Variants in NPAS3 observed in about 807,000 individuals in gnomAD.
NPAS3 encodes neuronal PAS domain-containing protein 3.
In NPAS3, 14 loss-of-function variants were observed where a neutral mutation model predicts 73.1. The ratio of observed to expected loss-of-function variants is 0.19; its 90% CI spans 0.13 to 0.30. The LOEUF (loss-of-function observed/expected upper bound fraction) is 0.30. NPAS3 is among the 10% of genes least tolerant of loss of function. NPAS3 has a pLI of 1.00. For missense variants in NPAS3, 1,096 were observed against 1,250.0 expected, an observed-to-expected ratio of 0.88 and a Z score of 1.86; for synonymous variants, 620 against 541.5, an observed-to-expected ratio of 1.14 and a Z score of -2.01.
intron 4 of NPAS3, among the ~76,000 whole-genome samples, chr14:33,410,640 T>C (rs752151207): frequency 6.6e-6 from 1 of 152,208 alleles, no homozygotes; most frequent in Non-Finnish European, 1.5e-5. Context: ...GGCTCAAGAA[T>C]AGTTGGTACT....
At chr14:33,306,251 C>T (rs562804608) in intron 3 of NPAS3, among the ~76,000 whole-genome samples, 1 of 152,122 alleles carries the variant, frequency 6.6e-6, no homozygotes, top group African/African-American at 2.4e-5. Context: ...AGTAAGAAAT[C>T]TTCAGACACT....
intron 11 of NPAS3, 41 bp from the exon 12 acceptor site, chr14:33,799,693 T>TCTCTCCGC (rs1451063078): frequency 9.1e-6 from 14 of 1,543,026 alleles, no homozygotes; most frequent in South Asian, 1.2e-5. Context: ...CTCTCTCTTC[T>TCTCTCCGC]CTCTCCGCCC....
intron 5 of NPAS3, among the ~76,000 whole-genome samples, chr14:33,672,451 A>C (rs1410574897): frequency 6.6e-6 from 1 of 152,216 alleles, no homozygotes; most frequent in Non-Finnish European, 1.5e-5. Context: ...TACTAAACAT[A>C]ATAGACTAGT....
chr14:33,297,298 A>G (rs1022890137), intron 3 of NPAS3, among the ~76,000 whole-genome samples: 5 of 152,292 alleles, frequency 3.3e-5, no homozygotes, highest in Non-Finnish European at 7.4e-5. Context: ...AACTTAATAT[A>G]TACAAAACAT....
At chr14:33,785,207 G>A (rs1352435874) in intron 9 of NPAS3, among the ~76,000 whole-genome samples, 1 of 151,576 alleles carries the variant, frequency 6.6e-6, no homozygotes, top group Non-Finnish European at 1.5e-5. Context: ...AGGCCAAGGC[G>A]GGTGGATCAC....
intron 3 of NPAS3, among the ~76,000 whole-genome samples, chr14:33,353,446 C>T (rs1471149745): frequency 6.6e-6 from 1 of 152,116 alleles, no homozygotes; most frequent in Non-Finnish European, 1.5e-5. Flanking sequence ...CTATTTATGA[C>T]ATTTGGAGAA....
chr14:33,191,842 T>C (rs976551543), intron 2 of NPAS3, among the ~76,000 whole-genome samples: 1 of 152,242 alleles, frequency 6.6e-6, no homozygotes, highest in East Asian at 1.9e-4. Flanking sequence ...CAAATTTATG[T>C]AAACTGAACT....
At chr14:33,519,497 A>G (rs1360534073) in intron 4 of NPAS3, among the ~76,000 whole-genome samples, 1 of 152,136 alleles carries the variant, frequency 6.6e-6, no homozygotes, top group Non-Finnish European at 1.5e-5. Flanking sequence ...AGAAGCTAGC[A>G]TGGGATTTGA....
Position 33,615,382 on chromosome 14 carries a change from G to A in NPAS3, c.558+55172G>A, listed in dbSNP as rs1217232533. Among the ~76,000 whole-genome samples, 6 of 152,140 alleles carry A rather than the reference G, an allele frequency of 3.9e-5. No individual in the cohort carries two copies. The South Asian group carries it at 6.2e-4, about 16-fold the overall frequency. On this transcript the variant is annotated intron_variant, in intron 5 of 11. Transcript: ENST00000356141. ...AAGATCAAGGAGCTGTGACAGCAGC[G>A]ACTGCAGAGGTGGAAGGGCAGAACC...
At chr14:33,662,330 T>A (rs892655158) in intron 5 of NPAS3, among the ~76,000 whole-genome samples, 1 of 152,224 alleles carries the variant, frequency 6.6e-6, no homozygotes, top group Non-Finnish European at 1.5e-5. Context: ...AAAAGTTGGT[T>A]AGCACCACTG....
rs2045054306 is a variant in NPAS3 at position 33,164,714 on chromosome 14, T to C, written c.141-50468T>C. On this transcript the variant is annotated intron_variant, in intron 2 of 11. Transcript: ENST00000356141. ...TAAATTTCTTTCGTATTCCTGTTACTGATGAGGAAATCATGGCCCAGCGAA... is the reference window on the plus strand; with the variant it reads ...TAAATTTCTTTCGTATTCCTGTTACCGATGAGGAAATCATGGCCCAGCGAA... Among the ~76,000 whole-genome samples the C allele has an allele frequency of 2.6e-5, 4 of 152,310 alleles. No homozygotes were observed. In the South Asian group the frequency reaches 8.3e-4, roughly 32 times the overall value.
intron 2 of NPAS3, among the ~76,000 whole-genome samples, chr14:33,058,137 A>C (rs982093246): frequency 1.7e-4 from 26 of 151,926 alleles, no homozygotes; most frequent in Middle Eastern, 3.4e-3. Context: ...AAAAAAAAAA[A>C]CATGGATAGT....
upstream of NPAS3, chr14:32,939,313 G>A: frequency 2.7e-6 from 2 of 730,178 alleles, no homozygotes; most frequent in Non-Finnish European, 2.4e-6. Flanking sequence ...AAAATAGCAG[G>A]AAGATGGCGC....
rs55885070 is a variant in NPAS3 at position 33,582,970 on chromosome 14, G to GTT, written c.558+22775_558+22776dup. ...TCCTTTGGACCTAGATATTTAAAGG[G>GTT]TTTTTTTTTTTTTTTTGGCTACTGG... On this transcript the variant is annotated intron_variant, in intron 5 of 11. Transcript: ENST00000356141. Among the ~76,000 whole-genome samples, 156 of 93,270 alleles carry GTT rather than the reference G, an allele frequency of 1.7e-3. 2 individuals are homozygous for GTT. Among genetic ancestry groups the GTT allele is most frequent in the Middle Eastern group, 6.6e-3 (1 of 152 alleles). The allele number at this position is 93,270 out of a possible 152,430, so 61.2% of individuals were successfully genotyped here.
At chr14:33,467,114 G>A (rs1010785043) in intron 4 of NPAS3, among the ~76,000 whole-genome samples, 8 of 152,276 alleles carry the variant, frequency 5.3e-5, no homozygotes, top group East Asian at 3.9e-4. Context: ...AACCAGAACC[G>A]CGTGAGTGAC....
chr14:33,418,895 TA>T (rs1406291570), intron 4 of NPAS3, among the ~76,000 whole-genome samples: 1 of 151,924 alleles, frequency 6.6e-6, no homozygotes, highest in Non-Finnish European at 1.5e-5. Context: ...GTGCATCTGT[TA>T]ACAGTTATTT....
chr14:33,224,360 C>T (rs1040051173), intron 3 of NPAS3, among the ~76,000 whole-genome samples: 1 of 152,136 alleles, frequency 6.6e-6, no homozygotes, highest in African/African-American at 2.4e-5. Context: ...TCAGAAATGG[C>T]TTTCTGGATA....
At chr14:33,559,010 T>G (rs2055503410) in intron 4 of NPAS3, among the ~76,000 whole-genome samples, 1 of 152,182 alleles carries the variant, frequency 6.6e-6, no homozygotes, top group South Asian at 2.1e-4. Context: ...TGAAACAAAT[T>G]TATTCTCAGT....
intron 4 of NPAS3, among the ~76,000 whole-genome samples, chr14:33,394,623 T>G (rs1199034099): frequency 6.6e-6 from 1 of 152,186 alleles, no homozygotes; most frequent in Non-Finnish European, 1.5e-5. Flanking sequence ...ATTATTTTCA[T>G]GTTAGCAGGA....
Sources: allele counts gnomAD v4.1 joint callset (sites outside exome capture counted in the v4.1 genomes callset), GRCh38; gene constraint gnomAD v4.1.1; transcripts MANE v1.5; gene names NCBI Gene and HGNC (gene_info 2026-07-23, HGNC 2026-07-21).